Variants in USH2A observed in about 807,000 individuals in gnomAD.
USH2A encodes Usher syndrome 2A (autosomal recessive, mild).
Under a neutral mutation model 538.9 loss-of-function variants are expected in USH2A, and 443 were observed. That is an observed-to-expected ratio of 0.82 (90% confidence interval 0.76 to 0.89). The LOEUF is 0.89. Ranked by LOEUF, USH2A falls within the 40% of genes least tolerant of loss-of-function variation. The pLI, the probability that USH2A is intolerant of heterozygous loss-of-function variation, is 0.00. For missense variants in USH2A, 6,633 were observed against 6,324.8 expected (o/e 1.05, Z -1.65); for synonymous variants, 2,413 against 2,273.5 (o/e 1.06, Z -1.75).
At chr1:215,889,576 T>C (rs553718875) in intron 40 of USH2A, among the ~76,000 whole-genome samples, 2 of 152,178 alleles carry the variant, frequency 1.3e-5, no homozygotes, top group East Asian at 3.9e-4. Context: ...ATTTATCTAC[T>C]CCCTGTTAAT....
intron 4 of USH2A, among the ~76,000 whole-genome samples, chr1:216,354,752 G>A (rs1272007868): frequency 6.6e-6 from 1 of 151,690 alleles, no homozygotes. Context: ...CAATATCTAT[G>A]GGACAATATC....
intron 50 of USH2A, 103 bp downstream of exon 50, chr1:215,798,804 T>C (rs1662212768): frequency 3.1e-6 from 4 of 1,295,802 alleles, no homozygotes; most frequent in South Asian, 1.2e-5. Context: ...ATATAACCAA[T>C]GTGAGCTTTA....
chr1:215,760,411 T>C (rs1660948204), intron 56 of USH2A, among the ~76,000 whole-genome samples: 1 of 152,016 alleles, frequency 6.6e-6, no homozygotes, highest in Non-Finnish European at 1.5e-5. Flanking sequence ...CTTCTTTTTC[T>C]CTCTTCTCTT....
Position 216,247,062 on chromosome 1 carries a change from C to A in USH2A, c.2332G>T (p.Asp778Tyr), listed in dbSNP as rs142898216. ...CKKEAKGLQCDTCRENFYGLD... is the reference protein window; with the variant it reads ...CKKEAKGLQCYTCRENFYGLD... ...CCATAAAAGTTTTCTCTGCAGGTGT[C>A]ACACTGAAGTCCTTTGGCTTCTTTT... Residue 778 changes from aspartate (D) to tyrosine (Y), a missense_variant, in exon 13 of 72, where the codon GAC becomes TAC. Physicochemically the swap from Asp to Tyr is radical, Grantham distance 160. Coordinates refer to ENST00000307340, the MANE Select transcript of USH2A (RefSeq NM_206933.4). 39 of 1,613,902 alleles carry A rather than the reference C, an allele frequency of 2.4e-5. No homozygotes were observed. In the African/African-American group the frequency reaches 4.5e-4, roughly 19 times the overall value.
At chr1:216,034,168 C>T (rs1250147609) in intron 32 of USH2A, among the ~76,000 whole-genome samples, 1 of 152,076 alleles carries the variant, frequency 6.6e-6, no homozygotes, top group African/African-American at 2.4e-5. Flanking sequence ...GGGAAACCAA[C>T]ATTTGTGCGT....
intron 61 of USH2A, among the ~76,000 whole-genome samples, chr1:215,717,097 G>A (rs1236625439): frequency 2.0e-5 from 3 of 152,154 alleles, no homozygotes; most frequent in African/African-American, 2.4e-5. Context: ...TGTCTATGGA[G>A]GGGAATTCAG....
chr1:216,002,964 G>C (rs781236592), intron 32 of USH2A, among the ~76,000 whole-genome samples: 1 of 152,044 alleles, frequency 6.6e-6, no homozygotes, highest in Admixed American at 6.6e-5. Context: ...AACTGCATGC[G>C]TTGAAGGTGA....
chr1:215,673,966 C>A, intron 63 of USH2A, 134 bp downstream of exon 63: 1 of 1,484,082 alleles, frequency 6.7e-7, no homozygotes, highest in Non-Finnish European at 9.3e-7. Flanking sequence ...GTCTACTATG[C>A]ACGTTTAGGT....
intron 27 of USH2A, among the ~76,000 whole-genome samples, chr1:216,077,491 CTTAA>C (rs2031790200): frequency 6.6e-6 from 1 of 151,018 alleles, no homozygotes; most frequent in Non-Finnish European, 1.5e-5. Context: ...TGCATACCAA[CTTAA>C]TTTATTTTTT....
chr1:215,834,559 T>A (rs1048115738), intron 47 of USH2A, among the ~76,000 whole-genome samples: 2 of 152,164 alleles, frequency 1.3e-5, no homozygotes, highest in Admixed American at 6.5e-5. Flanking sequence ...TTAGCAATAA[T>A]GGAGACCGAC....
chr1:216,347,564 T>C (rs2038202490), intron 4 of USH2A, among the ~76,000 whole-genome samples: 3 of 152,112 alleles, frequency 2.0e-5, no homozygotes. Flanking sequence ...GAAATGGTCT[T>C]TGCTTTCTTT....
At chr1:216,147,228 T>C (rs1313011234) in intron 21 of USH2A, among the ~76,000 whole-genome samples, 65 of 151,940 alleles carry the variant, frequency 4.3e-4, no homozygotes, top group Middle Eastern at 3.4e-3. Context: ...CCCCAGGTTG[T>C]TCCTCGCCAG....
intron 3 of USH2A, among the ~76,000 whole-genome samples, chr1:216,379,660 C>T (rs2038896176): frequency 6.6e-6 from 1 of 152,162 alleles, no homozygotes; most frequent in South Asian, 2.1e-4. Context: ...AAGGATTTCT[C>T]TGAGGAACTA....
rs79227823 is a variant in USH2A, at chr1:216,297,979, T to G, written c.1645-5609A>C. 9.4e-3 allele frequency among the ~76,000 whole-genome samples: 1,436 copies of G among 152,310 alleles called. 21 individuals are homozygous for G. The highest frequency in any genetic ancestry group is 0.033 in the African/African-American group (1,389 of 41,576). On this transcript the variant is annotated intron_variant, in intron 9 of 71. Transcript: ENST00000307340. Reference sequence around the variant, plus strand: ...GAGCTCATTAAGCTGTCTTCCCCAGTTCAATTAGCCATGCAATTTACCTGA... The same window carrying G: ...GAGCTCATTAAGCTGTCTTCCCCAGGTCAATTAGCCATGCAATTTACCTGA...
chr1:215,627,238 A>C (rs186829204), intron 71 of USH2A, among the ~76,000 whole-genome samples: 1 of 152,174 alleles, frequency 6.6e-6, no homozygotes, highest in Non-Finnish European at 1.5e-5. Context: ...GAGGAGAAAG[A>C]TGAGAGCAAA....
intron 9 of USH2A, among the ~76,000 whole-genome samples, chr1:216,295,468 A>G (rs1159588847): frequency 2.0e-5 from 3 of 151,898 alleles, no homozygotes; most frequent in Non-Finnish European, 1.5e-5. Context: ...TTTAATAGGT[A>G]ATTATATGTA....
chr1:216,283,770 A>G (rs2036830509), intron 11 of USH2A, among the ~76,000 whole-genome samples: 1 of 152,110 alleles, frequency 6.6e-6, no homozygotes, highest in Non-Finnish European at 1.5e-5. Context: ...TGACTTATGT[A>G]TTTATTTCTT....
At chr1:216,327,464 T>G (rs1332744764) in intron 5 of USH2A, 127 bp downstream of exon 5, 2 of 1,079,846 alleles carry the variant, frequency 1.9e-6, no homozygotes, top group Non-Finnish European at 2.8e-6. Flanking sequence ...CTGTAAACAT[T>G]AATTAGGTGA....
chr1:215,880,309 A>T (rs779128623), intron 41 of USH2A, among the ~76,000 whole-genome samples: 1 of 152,196 alleles, frequency 6.6e-6, no homozygotes, highest in African/African-American at 2.4e-5. Flanking sequence ...GAGTATTCTT[A>T]CTAATAATTG....
Sources: gnomAD v4.1 joint callset for allele counts (sites outside exome capture counted in the v4.1 genomes callset) on GRCh38, gnomAD v4.1.1 for gene constraint, MANE v1.5 for transcripts, NCBI Gene and HGNC (gene_info 2026-07-23, HGNC 2026-07-21) for gene names.